MALRD1: variants seen among roughly 807,000 people sequenced by gnomAD.
MALRD1 encodes MAM and LDL-receptor class A domain-containing protein 1.
In MALRD1, 247 loss-of-function variants were observed where a neutral mutation model predicts 242.1. The ratio of observed to expected loss-of-function variants is 1.02; its 90% CI spans 0.92 to 1.13. The LOEUF is 1.13. Among genes scored for constraint, MALRD1 ranks in the 50% most tolerant of loss-of-function variants. The pLI is 0.00. For missense variants in MALRD1, 2,989 were observed against 2,533.1 expected (o/e 1.18, Z -3.86); for synonymous variants, 995 against 866.6 (o/e 1.15, Z -2.60).
At position 19,339,966 on chromosome 10, in the gene MALRD1, A is replaced by G. The variant is rs10400126; in HGVS notation, c.3902-7805A>G. The stretch of plus-strand genomic sequence containing the variant: ...CTTCCATGGAAGCAGAAGAGAGAGA[A>G]CGAAGGAGTGAGTGCCATACTTTTA... On this transcript the variant is annotated intron_variant, in intron 24 of 39. Transcript: ENST00000454679. Among the ~76,000 whole-genome samples the G allele has an allele frequency of 4.7e-3, 720 of 152,222 alleles. 2 individuals are homozygous for G. Among genetic ancestry groups the G allele is most frequent in the African/African-American group, 0.016 (685 of 41,552 alleles).
chr10:19,552,722 A>G (rs1835540333), intron 32 of MALRD1, among the ~76,000 whole-genome samples: 1 of 152,140 alleles, frequency 6.6e-6, no homozygotes, highest in African/African-American at 2.4e-5. Flanking sequence ...CAAAAGAAAA[A>G]AATTATTTTG....
rs932490744 is a variant in MALRD1 at position 19,205,115 on chromosome 10, C to T, written c.2428C>T (p.Arg810Ter). The T allele has an allele frequency of 1.6e-5, 25 of 1,550,480 alleles. No individual in the cohort carries two copies. The highest frequency in any genetic ancestry group is 1.4e-4 in the Admixed American group (7 of 50,964). The part of the protein sequence containing the change: ...YDGVSAIDDI[R>*]FENCTLPLPA... Reference sequence around the variant, plus strand: ...TGGGGTCTCAGCTATTGATGACATCCGATTTGAAAATTGTACTCTCCCTCT... The same window carrying T: ...TGGGGTCTCAGCTATTGATGACATCTGATTTGAAAATTGTACTCTCCCTCT... Residue 810 changes from arginine (R) to a stop codon, truncating the protein, a stop_gained, in exon 17 of 40, where the codon CGA becomes TGA. Transcript: ENST00000454679. LOFTEE classifies it high-confidence loss of function.
chr10:19,623,660 C>A (rs1322976244), intron 36 of MALRD1, among the ~76,000 whole-genome samples: 7 of 152,124 alleles, frequency 4.6e-5, no homozygotes, highest in African/African-American at 7.2e-5. Flanking sequence ...ACAACCAAGA[C>A]CTCTGATGTC....
chr10:19,393,093 A>G (rs929891602), intron 28 of MALRD1, among the ~76,000 whole-genome samples: 9 of 152,218 alleles, frequency 5.9e-5, no homozygotes, highest in East Asian at 3.9e-4. Flanking sequence ...GAAAGTCTGC[A>G]TAATTGGTTG....
intron 24 of MALRD1, among the ~76,000 whole-genome samples, chr10:19,345,492 T>C (rs1441116374): frequency 6.6e-6 from 1 of 152,090 alleles, no homozygotes; most frequent in African/African-American, 2.4e-5. Context: ...CCCAGTCCTT[T>C]GAAAGGATAC....
intron 5 of MALRD1, among the ~76,000 whole-genome samples, chr10:19,118,644 G>A (rs1404459374): frequency 6.6e-6 from 1 of 152,172 alleles, no homozygotes; most frequent in African/African-American, 2.4e-5. Flanking sequence ...TACTTAGTTT[G>A]TTCTACCAGT....
intron 21 of MALRD1, among the ~76,000 whole-genome samples, chr10:19,318,324 G>T (rs1330358702): frequency 1.3e-5 from 2 of 150,348 alleles, no homozygotes; most frequent in African/African-American, 4.9e-5. Context: ...ATGCAGTTTT[G>T]TTGTTTGCAT....
chr10:19,188,837 A>G (rs2131579865), intron 14 of MALRD1, among the ~76,000 whole-genome samples: 1 of 126,994 alleles, frequency 7.9e-6, no homozygotes, highest in African/African-American at 2.7e-5. Flanking sequence ...TGGTGACTTG[A>G]GCTAGGTAGG....
intron 36 of MALRD1, among the ~76,000 whole-genome samples, chr10:19,685,928 G>A (rs1417481552): frequency 6.6e-6 from 1 of 152,122 alleles, no homozygotes; most frequent in South Asian, 2.1e-4. Flanking sequence ...CCCAATTACA[G>A]CAAGAAAAAT....
Position 19,530,385 on chromosome 10 carries a change from T to TTTATATAAATATTTATATAAATATATA in MALRD1, c.5321-809_5321-808insTTATATAAATATTTATATAAATATATA, listed in dbSNP as rs1564417186. ...TATATAAATATTTATATAAATATTA[T>TTTATATAAATATTTATATAAATATATA]ATATTTATATAAATATTATATATTT... On this transcript the variant is annotated intron_variant, in intron 31 of 39. Transcript: ENST00000454679. Among the ~76,000 whole-genome samples, 66 of 85,228 alleles carry TTTATATAAATATTTATATAAATATATA rather than the reference T, an allele frequency of 7.7e-4. 1 individual carries two copies. Among genetic ancestry groups the TTTATATAAATATTTATATAAATATATA allele is most frequent in the African/African-American group, 2.8e-3 (46 of 16,538 alleles). The allele number at this position is 85,228 out of a possible 152,430, so 55.9% of individuals were successfully genotyped here.
chr10:19,347,887 C>A lies in MALRD1; in HGVS notation c.4018C>A (p.Pro1340Thr). ...ASSIPAAGTE[P>T]AADHTLGNSS... ...CAGCATCCCTGCAGCAGGCACAGAG[C>A]CAGCAGCAGATCACACTTTGGGAAA... is the stretch of plus-strand genomic sequence containing the variant. The change falls in exon 25 of 40, where the codon CCA becomes ACA. Residue 1340 changes from proline to threonine, a missense_variant. By Grantham distance (38) the Pro-to-Thr change is conservative. Transcript: ENST00000454679. The A allele has an allele frequency of 6.5e-7, 1 of 1,550,374 alleles. No homozygotes were observed. Among genetic ancestry groups the A allele is most frequent in the East Asian group, 2.4e-5 (1 of 40,896 alleles).
At chr10:19,701,141 C>T (rs1478521821) in intron 38 of MALRD1, among the ~76,000 whole-genome samples, 3 of 151,866 alleles carry the variant, frequency 2.0e-5, no homozygotes, top group African/African-American at 7.3e-5. Context: ...AAAGCAAGAC[C>T]CTGTCTCTCT....
At chr10:19,126,977 A>G (rs1026994622) in intron 7 of MALRD1, among the ~76,000 whole-genome samples, 1 of 152,104 alleles carries the variant, frequency 6.6e-6, no homozygotes, top group Non-Finnish European at 1.5e-5. Flanking sequence ...CAAGTTGTTC[A>G]GCTCCCACAT....
chr10:19,360,001 G>A (rs1844820885), intron 26 of MALRD1, among the ~76,000 whole-genome samples: 1 of 152,188 alleles, frequency 6.6e-6, no homozygotes, highest in East Asian at 1.9e-4. Flanking sequence ...AACTTAGAAT[G>A]ATGGTAGATA....
intron 28 of MALRD1, among the ~76,000 whole-genome samples, chr10:19,448,321 G>T (rs1835117878): frequency 6.6e-6 from 1 of 151,768 alleles, no homozygotes; most frequent in South Asian, 2.1e-4. Flanking sequence ...CTACTTTTTT[G>T]ATTACAAGCT....
At chr10:19,257,374 A>G (rs1339791631) in intron 18 of MALRD1, among the ~76,000 whole-genome samples, 1 of 152,190 alleles carries the variant, frequency 6.6e-6, no homozygotes, top group East Asian at 1.9e-4. Flanking sequence ...ACACAAATCT[A>G]GAACTAATGG....
At chr10:19,439,111 T>A (rs753753236) in intron 28 of MALRD1, among the ~76,000 whole-genome samples, 13 of 77,744 alleles carry the variant, frequency 1.7e-4, no homozygotes, top group Non-Finnish European at 3.4e-4. Flanking sequence ...CATTTTAATT[T>A]GTAATTGTTT....
chr10:19,433,308 T>G (rs1765555826), intron 28 of MALRD1, among the ~76,000 whole-genome samples: 1 of 151,304 alleles, frequency 6.6e-6, no homozygotes, highest in African/African-American at 2.4e-5. Flanking sequence ...ATCAAGGAGG[T>G]TGAAATGGGG....
At chr10:19,623,758 T>C (rs1053640122) in intron 36 of MALRD1, among the ~76,000 whole-genome samples, 7 of 152,074 alleles carry the variant, frequency 4.6e-5, no homozygotes, top group Non-Finnish European at 8.8e-5. Flanking sequence ...TCTCAGTAGG[T>C]TGCATGAAGC....
Sources: gnomAD v4.1 joint callset for allele counts (sites outside exome capture counted in the v4.1 genomes callset) on GRCh38, gnomAD v4.1.1 for gene constraint, MANE v1.5 for transcripts, NCBI Gene and HGNC (gene_info 2026-07-23, HGNC 2026-07-21) for gene names.